Variants in NCF2 observed in about 807,000 individuals in gnomAD.
NCF2 encodes neutrophil cytosolic factor 2, also known as neutrophil cytosol factor 2.
In NCF2, 45 loss-of-function variants were observed where a neutral mutation model predicts 70.9. The ratio of observed to expected loss-of-function variants is 0.63; its 90% CI spans 0.50 to 0.81. The LOEUF (loss-of-function observed/expected upper bound fraction) is 0.81. Ranked by LOEUF, NCF2 falls within the 40% of genes least tolerant of loss-of-function variation. NCF2 has a pLI of 0.00. For missense variants in NCF2, 522 were observed against 631.6 expected (o/e 0.83, Z 1.86); for synonymous variants, 203 against 233.6 (o/e 0.87, Z 1.19).
chr1:183,563,393 G>T (rs1383516739), intron 12 of NCF2, 41 bp downstream of exon 12: 1 of 1,614,014 alleles, frequency 6.2e-7, no homozygotes, highest in East Asian at 2.2e-5. Context: ...CCAGCACAAG[G>T]TTCCCACTGT....
chr1:183,567,535 C>T lies in NCF2; in HGVS notation c.714-190G>A, dbSNP rs772770694. On this transcript the variant is annotated intron_variant, in intron 7 of 14. Coordinates refer to ENST00000367535, the MANE Select transcript of NCF2 (RefSeq NM_000433.4). ...TCAGCAAGAAACTGGTGTACACCTGCTCATAACCATATATGCAGAGGGGCA... is the reference window on the plus strand; with the variant it reads ...TCAGCAAGAAACTGGTGTACACCTGTTCATAACCATATATGCAGAGGGGCA... 8 of 774,700 alleles carry T rather than the reference C, an allele frequency of 1.0e-5. No individual in the cohort carries two copies. In the South Asian group the frequency reaches 1.1e-4, roughly 11 times the overall value. The allele number at this position is 774,700 out of a possible 1,614,324, so 48.0% of individuals were successfully genotyped here. A position where few individuals can be genotyped will look rare whatever the true frequency, so the allele number is the denominator to read the frequency against.
rs1482490757 is a variant in NCF2, at chr1:183,556,213, C to G, written c.1486G>C (p.Glu496Gln). Reference protein sequence around the residue: ...VLSKVNEEWLEGECKGKVGIF... With the variant: ...VLSKVNEEWLQGECKGKVGIF... ...CCCACCTTCCCTTTGCACTCCCCTT[C>G]CAGCCATTCTTCATTCACTGATAAA... is the stretch of plus-strand genomic sequence containing the variant. The change falls in exon 15 of 15, where the codon GAA (glutamate) becomes CAA (glutamine). Residue 496 changes from glutamate (E) to glutamine (Q), a missense_variant. Physicochemically the swap from Glu to Gln is conservative, Grantham distance 29. Coordinates refer to ENST00000367535, the MANE Select transcript of NCF2 (RefSeq NM_000433.4). The G allele has an allele frequency of 1.2e-5, 19 of 1,614,156 alleles. No homozygotes were observed. Among genetic ancestry groups the G allele is most frequent in the Non-Finnish European group, 1.6e-5 (19 of 1,180,008 alleles).
Position 183,563,208 on chromosome 1 carries a change from C to T in NCF2, c.1277G>A (p.Cys426Tyr). Residue 426 changes from cysteine (C) to tyrosine (Y), a missense_variant, in exon 13 of 15, where the codon TGT becomes TAT. Transcript: ENST00000367535. ...CATTGCACTCACCACTGTGTTCTCA[C>T]ACCACAGAGTCAGGCAGTAGTTTTT... ...QVKNYCLTLWCENTVGDQGFP... is the reference protein window; with the variant it reads ...QVKNYCLTLWYENTVGDQGFP... 6.2e-7 allele frequency: 1 copy of T among 1,614,108 alleles called. No individual in the cohort carries two copies. Among genetic ancestry groups the T allele is most frequent in the South Asian group, 1.1e-5 (1 of 91,092 alleles).
intron 3 of NCF2, 139 bp downstream of exon 3, chr1:183,577,460 A>T: frequency 1.4e-6 from 1 of 712,504 alleles, no homozygotes; most frequent in South Asian, 1.5e-5. Context: ...TTCAAGGAAA[A>T]TCTGAGTCTC....
chr1:183,568,139 T>C (rs1347617632), intron 7 of NCF2, among the ~76,000 whole-genome samples: 3 of 151,878 alleles, frequency 2.0e-5, no homozygotes, highest in Non-Finnish European at 4.4e-5. Flanking sequence ...AGCCCCCTCA[T>C]TTTTGTAGTT....
chr1:183,570,725 C>T, intron 6 of NCF2, 55 bp downstream of exon 6: 2 of 1,566,940 alleles, frequency 1.3e-6, no homozygotes, highest in Non-Finnish European at 1.8e-6. Context: ...GAATTGAATG[C>T]TTCACAGAAA....
Position 183,567,287 on chromosome 1 carries a change from CTTCTT to C in NCF2, c.767_771del (p.Lys256ArgfsTer18). ...ATGTTCCCTGGCATGACCTGGAGCT[CTTCTT>C]TTGTCTCAGGCACAAACCCAAATAG... On this transcript the variant is annotated frameshift_variant, in exon 8 of 15. Coordinates refer to ENST00000367535, the MANE Select transcript of NCF2 (RefSeq NM_000433.4). LOFTEE classifies it high-confidence loss of function. 1 of 1,614,216 alleles carries C rather than the reference CTTCTT, an allele frequency of 6.2e-7. No individual in the cohort carries two copies. The highest frequency in any genetic ancestry group is 8.5e-7 in the Non-Finnish European group (1 of 1,180,044).
intron 2 of NCF2, among the ~76,000 whole-genome samples, chr1:183,580,496 T>A (rs1462224271): frequency 6.6e-6 from 1 of 152,172 alleles, no homozygotes; most frequent in Non-Finnish European, 1.5e-5. Flanking sequence ...ATTGCCTGTT[T>A]GGGAGCTCGC....
intron 1 of NCF2, among the ~76,000 whole-genome samples, chr1:183,587,395 A>T (rs553397152): frequency 3.3e-5 from 5 of 152,148 alleles, no homozygotes; most frequent in Admixed American, 2.0e-4. Context: ...GGAGTTCAAG[A>T]CCAACCTGGG....
chr1:183,566,954 A>G lies in NCF2; in HGVS notation c.890T>C (p.Val297Ala), dbSNP rs35937854. The G allele has an allele frequency of 2.2e-3, 3,619 of 1,614,150 alleles. 52 individuals are homozygous for G. The African/African-American group carries it at 0.042, about 19-fold the overall frequency. ...GLVPCNYLEP[V>A]ELRIHPQQQP... ...CTGCTGAGGGTGGATCCGCAGCTCA[A>G]CTGGTTCAAGGTAGTTGCAGGGAAC... is the stretch of plus-strand genomic sequence containing the variant. Residue 297 changes from valine (V) to alanine (A), a missense_variant, in exon 9 of 15, where the codon GTT becomes GCT. Val to Ala is a moderately conservative substitution (Grantham distance 64). Coordinates refer to ENST00000367535, the MANE Select transcript of NCF2 (RefSeq NM_000433.4).
At chr1:183,592,640 A>G (rs1673705678), upstream of NCF2, among the ~76,000 whole-genome samples, 1 of 152,200 alleles carries the variant, frequency 6.6e-6, no homozygotes, top group Admixed American at 6.5e-5. Context: ...TTGCTATTCC[A>G]TCTAGTGAAT....
intron 5 of NCF2, among the ~76,000 whole-genome samples, 190 bp from the exon 6 acceptor site, chr1:183,571,029 A>C (rs1482523035): frequency 6.7e-6 from 1 of 149,848 alleles, no homozygotes; most frequent in Non-Finnish European, 1.5e-5. Flanking sequence ...CATTCACCCC[A>C]CCCCTGCTAA....
chr1:183,564,013 C>T lies in NCF2; in HGVS notation c.1018G>A (p.Glu340Lys), dbSNP rs755689355. The T allele has an allele frequency of 5.2e-5, 84 of 1,611,174 alleles. No homozygotes were observed. The highest frequency in any genetic ancestry group is 6.5e-5 in the Non-Finnish European group (76 of 1,177,304). The change falls in exon 11 of 15, where the codon GAG (glutamate) becomes AAG (lysine). Residue 340 changes from glutamate (E) to lysine (K), a missense_variant. Coordinates refer to ENST00000367535, the MANE Select transcript of NCF2 (RefSeq NM_000433.4). ...QLSPGQKQKE[E>K]PKEVKLSVPM... The stretch of plus-strand genomic sequence containing the variant: ...TGAGGGAAAAATGTTACCTTAGGCT[C>T]TTCTTTTTGTTTCTGGCCTGAATGG...
intron 7 of NCF2, 136 bp from the exon 8 acceptor site, chr1:183,567,481 A>G (rs757849374): frequency 1.6e-6 from 2 of 1,243,626 alleles, no homozygotes; most frequent in African/African-American, 1.5e-5. Context: ...CCGAGATGAC[A>G]CTGAGCCTGC....
At position 183,573,143 on chromosome 1, in the gene NCF2, G is replaced by C. The variant is rs55790185; in HGVS notation, c.609+42C>G. On this transcript the variant is annotated intron_variant, in intron 5 of 14. Coordinates refer to ENST00000367535, the MANE Select transcript of NCF2 (RefSeq NM_000433.4). ...CCTCCCACCTTGCTCCACATGGCCCGGGCCACAGGAGACTCAGGGGAAGCT... is the reference window on the plus strand; with the variant it reads ...CCTCCCACCTTGCTCCACATGGCCCCGGCCACAGGAGACTCAGGGGAAGCT... 5,357 of 1,580,222 alleles carry C rather than the reference G, an allele frequency of 3.4e-3. 16 individuals carry two copies. The highest frequency in any genetic ancestry group is 3.8e-3 in the Non-Finnish European group (4,363 of 1,150,074).
chr1:183,586,793 C>T (rs985301508), intron 2 of NCF2, 102 bp downstream of exon 2: 39 of 1,052,394 alleles, frequency 3.7e-5, no homozygotes, highest in Admixed American at 3.4e-4. Flanking sequence ...CATTTCCCAA[C>T]AGAGGTTGGG....
chr1:183,581,812 C>T (rs1673116355), intron 2 of NCF2, among the ~76,000 whole-genome samples: 2 of 152,058 alleles, frequency 1.3e-5, no homozygotes, highest in Admixed American at 6.5e-5. Context: ...GGACTACAGG[C>T]GTCCGCCACC....
chr1:183,586,789 C>A, intron 2 of NCF2, 106 bp downstream of exon 2: 1 of 1,025,566 alleles, frequency 9.8e-7, no homozygotes, highest in Non-Finnish European at 1.5e-6. Context: ...GTCACATTTC[C>A]CAACAGAGGT....
chr1:183,563,613 C>T lies in NCF2; in HGVS notation c.1027-28G>A, dbSNP rs1397655464. ...GAGTGGGGAGGAAACAAAGGGAACT[C>T]CTGAGTGTCTGAGGCTTTCTCTCAA... On this transcript the variant is annotated intron_variant, in intron 11 of 14. Transcript: ENST00000367535. 1.9e-6 allele frequency: 3 copies of T among 1,612,306 alleles called. No homozygotes were observed. The South Asian group carries it at 3.3e-5, about 18-fold the overall frequency.
Sources: gnomAD v4.1 joint callset for allele counts (sites outside exome capture counted in the v4.1 genomes callset) on GRCh38, gnomAD v4.1.1 for gene constraint, MANE v1.5 for transcripts, NCBI Gene and HGNC (gene_info 2026-07-23, HGNC 2026-07-21) for gene names.